The following TFB1M variants were observed in gnomAD, a reference collection of about 807,000 sequenced individuals.
TFB1M encodes the protein dimethyladenosine transferase 1, mitochondrial.
Under a neutral mutation model 31.1 loss-of-function variants are expected in TFB1M, and 27 were observed. That is an observed-to-expected ratio of 0.87 (90% CI 0.64 to 1.20). TFB1M has a LOEUF of 1.20. Among genes scored for constraint, TFB1M ranks in the 50% most tolerant of loss-of-function variants. The probability of loss-of-function intolerance (pLI) is 0.00; values close to 1 mark genes in which losing one functional copy is unlikely to be tolerated. For missense variants in TFB1M, 394 were observed against 418.7 expected, an observed-to-expected ratio of 0.94 and a Z score of 0.51; for synonymous variants, 166 against 151.8, an observed-to-expected ratio of 1.09 and a Z score of -0.69.
At chr6:155,265,728 AAATATATATTATATATAATATAT>A (rs1424814351) in intron 5 of TFB1M, among the ~76,000 whole-genome samples, 1 of 145,676 alleles carries the variant, frequency 6.9e-6, no homozygotes, top group Admixed American at 6.9e-5. Flanking sequence ...TATATAATAT[AAATATATATTATATATAATATAT>A]AATATATATT....
chr6:155,302,184 T>C (rs1026768531), intron 2 of TFB1M, among the ~76,000 whole-genome samples: 1 of 152,212 alleles, frequency 6.6e-6, no homozygotes, highest in African/African-American at 2.4e-5. Context: ...AATACCCATT[T>C]TGCATATTTT....
chr6:155,272,382 T>TC (rs1466759310), intron 5 of TFB1M, among the ~76,000 whole-genome samples: 1 of 152,162 alleles, frequency 6.6e-6, no homozygotes, highest in African/African-American at 2.4e-5. Context: ...GGCGAGTAGT[T>TC]CATAAACTGA....
chr6:155,265,183 G>A (rs1784571853), intron 5 of TFB1M, among the ~76,000 whole-genome samples: 1 of 152,172 alleles, frequency 6.6e-6, no homozygotes, highest in Non-Finnish European at 1.5e-5. Context: ...CAGCTTCGAG[G>A]CTGCCCAGCC....
intron 2 of TFB1M, among the ~76,000 whole-genome samples, chr6:155,301,926 T>C (rs192712679): frequency 9.3e-4 from 142 of 152,254 alleles, no homozygotes; most frequent in Non-Finnish European, 1.3e-3. Flanking sequence ...AAAGGGTACA[T>C]GAAACAATGT....
the TFB1M span, chr6:155,249,976 G>C: frequency 6.2e-7 from 1 of 1,608,686 alleles, no homozygotes; most frequent in Non-Finnish European, 8.5e-7. Context: ...GGAGGTCCGT[G>C]AGACATCTGC....
At chr6:155,298,892 C>T (rs1777301849) in intron 2 of TFB1M, among the ~76,000 whole-genome samples, 1 of 152,042 alleles carries the variant, frequency 6.6e-6, no homozygotes, top group Non-Finnish European at 1.5e-5. Context: ...TAAACTCACT[C>T]CTATCAATAA....
the TFB1M span, among the ~76,000 whole-genome samples, chr6:155,243,511 CTT>C: frequency 3.9e-5 from 6 of 152,264 alleles, no homozygotes; most frequent in South Asian, 1.0e-3. Context: ...ATATTAAACT[CTT>C]TGAATTAGGT....
chr6:155,238,443 T>G, the TFB1M span, among the ~76,000 whole-genome samples: 1 of 152,238 alleles, frequency 6.6e-6, no homozygotes, highest in Non-Finnish European at 1.5e-5. Flanking sequence ...TTTTCAGTTA[T>G]GTTTTCAGCA....
At chr6:155,282,432 G>T (rs548878397) in intron 5 of TFB1M, among the ~76,000 whole-genome samples, 3 of 152,334 alleles carry the variant, frequency 2.0e-5, no homozygotes, top group East Asian at 1.9e-4. Flanking sequence ...GAAAGTGGTT[G>T]TAAGTAAGCC....
At chr6:155,292,394 T>A (rs976620898) in intron 4 of TFB1M, among the ~76,000 whole-genome samples, 2 of 152,144 alleles carry the variant, frequency 1.3e-5, no homozygotes, top group Non-Finnish European at 2.9e-5. Flanking sequence ...AGCACTGATC[T>A]GCAGGTGCCT....
At chr6:155,311,865 C>T (rs1328050949) in intron 1 of TFB1M, among the ~76,000 whole-genome samples, 3 of 151,756 alleles carry the variant, frequency 2.0e-5, no homozygotes, top group South Asian at 2.1e-4. Context: ...GTTCTTAGAT[C>T]GTAAGATTTT....
the TFB1M span, among the ~76,000 whole-genome samples, chr6:155,238,237 CCAA>C: frequency 6.6e-6 from 1 of 152,216 alleles, no homozygotes; most frequent in African/African-American, 2.4e-5. Flanking sequence ...GCTCCAGTTC[CCAA>C]CAAGTTCCTC....
chr6:155,306,198 A>T (rs412141), intron 2 of TFB1M, among the ~76,000 whole-genome samples: 12 of 152,068 alleles, frequency 7.9e-5, no homozygotes, highest in African/African-American at 2.9e-4. Context: ...GACTGACCAT[A>T]CCAAGTCTGA....
At chr6:155,259,845 C>T (rs930362629) in intron 6 of TFB1M, among the ~76,000 whole-genome samples, 2 of 152,330 alleles carry the variant, frequency 1.3e-5, no homozygotes, top group African/African-American at 4.8e-5. Context: ...GAGATGGAAA[C>T]GTGCTTACGT....
intron 5 of TFB1M, among the ~76,000 whole-genome samples, chr6:155,282,404 C>G (rs1776406088): frequency 6.6e-6 from 1 of 152,174 alleles, no homozygotes; most frequent in Non-Finnish European, 1.5e-5. Flanking sequence ...ACAGCAGACT[C>G]TCACAGGAAA....
At chr6:155,275,081 C>G (rs1331457831) in intron 5 of TFB1M, among the ~76,000 whole-genome samples, 4 of 151,704 alleles carry the variant, frequency 2.6e-5, no homozygotes, top group Non-Finnish European at 2.9e-5. Context: ...AAAAAATTAG[C>G]CGGGCATGGT....
chr6:155,234,197 C>T, the TFB1M span, among the ~76,000 whole-genome samples: 1 of 152,124 alleles, frequency 6.6e-6, no homozygotes, highest in Non-Finnish European at 1.5e-5. Flanking sequence ...ATCTGAGGCC[C>T]CCATTTCAAG....
At position 155,305,424 on chromosome 6, in the gene TFB1M, T is replaced by C. The variant is rs1777663068; in HGVS notation, c.285+5764A>G. Among the ~76,000 whole-genome samples, 2 of 31,254 alleles carry C rather than the reference T, an allele frequency of 6.4e-5. 1 individual carries two copies. Among genetic ancestry groups the C allele is most frequent in the Non-Finnish European group, 1.0e-4 (2 of 20,048 alleles). 20.5% of individuals were successfully genotyped at this position (31,254 alleles called of 152,430 possible). ...TATAAATATATTATTAAATTATATA[T>C]TTATATATATAAATATATATTAAAT... On this transcript the variant is annotated intron_variant, in intron 2 of 6. Coordinates refer to ENST00000367166, the MANE Select transcript of TFB1M (RefSeq NM_016020.4).
chr6:155,297,012 C>T lies in TFB1M; in HGVS notation c.487G>A (p.Gly163Arg), dbSNP rs1259600609. 2 of 1,613,870 alleles carry T rather than the reference C, an allele frequency of 1.2e-6. No individual in the cohort carries two copies. Among genetic ancestry groups the T allele is most frequent in the Non-Finnish European group, 1.7e-6 (2 of 1,179,876 alleles). Residue 163 changes from glycine (G) to arginine (R), a missense_variant, in exon 4 of 7, where the codon GGA (glycine) becomes AGA (arginine). By Grantham distance (125) the Gly-to-Arg change is moderately radical. Coordinates refer to ENST00000367166, the MANE Select transcript of TFB1M (RefSeq NM_016020.4). ...KWLENISCRD[G>R]PFVYGRTQMT... is the part of the protein sequence containing the mutation. ...TGAGTTCTGCCATAAACAAAAGGTC[C>T]ATCTCTACAGGAAATATTTTCAAGC...
Sources: allele counts gnomAD v4.1 joint callset (sites outside exome capture counted in the v4.1 genomes callset), GRCh38; gene constraint gnomAD v4.1.1; transcripts MANE v1.5; gene names NCBI Gene and HGNC (gene_info 2026-07-23, HGNC 2026-07-21).